The following PHKB variants were observed in gnomAD, a reference collection of about 807,000 sequenced individuals.
PHKB encodes phosphorylase b kinase regulatory subunit beta.
A neutral mutation model predicts 152.1 loss-of-function variants in PHKB; 122 were observed. The observed-to-expected ratio is 0.80, with a 90% confidence interval of 0.69 to 0.93. The LOEUF is 0.93. Among genes scored for constraint, PHKB ranks in the 40% least tolerant of loss-of-function variants. The pLI is 0.00. For missense variants in PHKB, 1,304 were observed against 1,328.4 expected, an observed-to-expected ratio of 0.98 and a Z score of 0.29; for synonymous variants, 436 against 464.9, an observed-to-expected ratio of 0.94 and a Z score of 0.80.
chr16:47,590,722 G>A (rs1972014532), intron 10 of PHKB: 1 of 150,396 alleles, frequency 6.6e-6, no homozygotes, highest in East Asian at 1.9e-4. Flanking sequence ...CTTCTGCTGA[G>A]CACCACTAAG....
intron 7 of PHKB, chr16:47,565,914 G>A (rs1481190199): frequency 1.8e-6 from 2 of 1,082,046 alleles, no homozygotes; most frequent in Non-Finnish European, 2.7e-6. Flanking sequence ...ATTCAGTTTG[G>A]GTCTTTGTGG....
At chr16:47,688,906 G>T in intron 26 of PHKB, 135 bp from the exon 27 acceptor site, 2 of 886,276 alleles carry the variant, frequency 2.3e-6, no homozygotes, top group East Asian at 2.4e-5. Flanking sequence ...TTGTATCAAC[G>T]GTTCAGGAAA....
At chr16:47,499,226 G>C (rs1970282870) in intron 2 of PHKB, among the ~76,000 whole-genome samples, 1 of 152,096 alleles carries the variant, frequency 6.6e-6, no homozygotes, top group South Asian at 2.1e-4. Flanking sequence ...CTGAAGACCA[G>C]GCACAATTTA....
In PHKB at chr16:47,492,613, C is replaced by T. The variant is rs888267205; in HGVS notation, c.77-4786C>T. ...CCTGCTGTTGGGCACCCTTGGTTCA[C>T]GCACCCCAGCCTTGGCAGGGAGGGG... is the stretch of plus-strand genomic sequence containing the variant. On this transcript the variant is annotated intron_variant, in intron 1 of 30. Transcript: ENST00000323584. Among the ~76,000 whole-genome samples the T allele has an allele frequency of 4.6e-5, 7 of 152,222 alleles. No individual in the cohort carries two copies. The East Asian group carries it at 5.8e-4, about 13-fold the overall frequency.
intron 26 of PHKB, among the ~76,000 whole-genome samples, chr16:47,678,023 C>G (rs111564861): frequency 0.12 from 17,671 of 149,324 alleles, 2,251 homozygotes; most frequent in African/African-American, 0.32. Flanking sequence ...TGCGGTGTTT[C>G]CTTTTTTGTC....
Position 47,698,709 on chromosome 16 carries a change from G to A in PHKB, c.3144+121G>A, listed in dbSNP as rs1015885012. The A allele has an allele frequency of 1.2e-5, 10 of 814,050 alleles. No individual in the cohort carries two copies. In the African/African-American group the frequency reaches 1.5e-4, roughly 12 times the overall value. 50.4% of individuals were successfully genotyped at this position (814,050 alleles called of 1,614,324 possible). Reference sequence around the variant, plus strand: ...AAAACAGATTCACAGGTGCAAAATAGGATACTTGAGGGGCAGTCTGCCTTT... The same window carrying A: ...AAAACAGATTCACAGGTGCAAAATAAGATACTTGAGGGGCAGTCTGCCTTT... On this transcript the variant is annotated intron_variant, in intron 30 of 30. Transcript: ENST00000323584.
chr16:47,488,151 A>T (rs1970081583), intron 1 of PHKB, among the ~76,000 whole-genome samples: 1 of 152,058 alleles, frequency 6.6e-6, no homozygotes, highest in African/African-American at 2.4e-5. Flanking sequence ...GTGAGATGGT[A>T]TCTCATTGTG....
rs1973429060 is a variant in PHKB at position 47,660,775 on chromosome 16, G to A, written c.2152G>A (p.Glu718Lys). 13 of 1,613,984 alleles carry A rather than the reference G, an allele frequency of 8.1e-6. No homozygotes were observed. Among genetic ancestry groups the A allele is most frequent in the South Asian group, 1.1e-5 (1 of 91,084 alleles). ...LGQQPDVNIS[E>K]WKDKPTHEIL... is the part of the protein sequence containing the mutation. The stretch of plus-strand genomic sequence containing the variant: ...ACAGCAGCCGGATGTCAACATTAGT[G>A]AATGGAAGGACAAACCCACCCACGA... Residue 718 changes from glutamate (E) to lysine (K), a missense_variant, in exon 22 of 31, where the codon GAA becomes AAA. Glu to Lys is a moderately conservative substitution (Grantham distance 56). Coordinates refer to ENST00000323584, the MANE Select transcript of PHKB (RefSeq NM_000293.3).
chr16:47,566,668 G>A (rs1971572628), intron 7 of PHKB: 11 of 874,100 alleles, frequency 1.3e-5, no homozygotes, highest in South Asian at 6.5e-5. Flanking sequence ...GCAGCCCCTG[G>A]AGCAGTGGGA....
intron 25 of PHKB, among the ~76,000 whole-genome samples, chr16:47,668,496 C>T (rs1343264374): frequency 1.3e-5 from 2 of 152,122 alleles, no homozygotes; most frequent in South Asian, 4.2e-4. Flanking sequence ...CCTGCAGAGT[C>T]CCCTGGGAGA....
Position 47,698,597 on chromosome 16 carries a change from A to G in PHKB, c.3144+9A>G, listed in dbSNP as rs200504388. The G allele has an allele frequency of 2.3e-6, 3 of 1,311,932 alleles. No individual in the cohort carries two copies. Among genetic ancestry groups the G allele is most frequent in the African/African-American group, 3.6e-5 (2 of 55,862 alleles). The allele number at this position is 1,311,932 out of a possible 1,614,324, so 81.3% of individuals were successfully genotyped here. On this transcript the variant is annotated intron_variant, in intron 30 of 30. Coordinates refer to ENST00000323584, the MANE Select transcript of PHKB (RefSeq NM_000293.3). ...AGGAAATTGAAAAACAAGTAAGTACACAGCTTTTTTTTTTTTTTTTTTTTT... is the reference window on the plus strand; with the variant it reads ...AGGAAATTGAAAAACAAGTAAGTACGCAGCTTTTTTTTTTTTTTTTTTTTT...
chr16:47,536,156 A>T (rs534276253), intron 6 of PHKB, among the ~76,000 whole-genome samples: 27 of 152,232 alleles, frequency 1.8e-4, no homozygotes, highest in African/African-American at 6.0e-4. Context: ...TGTTCAAGCG[A>T]TTCTCCTGTC....
intron 6 of PHKB, among the ~76,000 whole-genome samples, chr16:47,544,545 T>C (rs575113296): frequency 6.6e-6 from 1 of 152,350 alleles, no homozygotes; most frequent in East Asian, 1.9e-4. Flanking sequence ...GATGTGTTGC[T>C]GAGAAGAATA....
intron 6 of PHKB, among the ~76,000 whole-genome samples, chr16:47,520,503 C>T (rs1393018870): frequency 1.3e-5 from 2 of 152,172 alleles, no homozygotes; most frequent in Non-Finnish European, 2.9e-5. Flanking sequence ...CTCAAGAGTT[C>T]ATTTTCTATG....
At chr16:47,469,940 A>G (rs1377996438) in intron 1 of PHKB, among the ~76,000 whole-genome samples, 1 of 152,184 alleles carries the variant, frequency 6.6e-6, no homozygotes, top group African/African-American at 2.4e-5. Context: ...TAGTAGTAGT[A>G]CTAATGATAA....
chr16:47,524,684 A>G (rs893493024), intron 6 of PHKB, among the ~76,000 whole-genome samples: 1 of 152,188 alleles, frequency 6.6e-6, no homozygotes, highest in Non-Finnish European at 1.5e-5. Flanking sequence ...ATCAGTTACT[A>G]TTGACCACAT....
chr16:47,699,070 T>A (rs1173355055), intron 30 of PHKB, 159 bp from the exon 31 acceptor site: 15 of 699,532 alleles, frequency 2.1e-5, no homozygotes, highest in Non-Finnish European at 3.5e-5. Flanking sequence ...TTGTTTTATA[T>A]ACACCTCAGG....
chr16:47,489,265 A>G (rs1273141740), intron 1 of PHKB, among the ~76,000 whole-genome samples: 2 of 152,070 alleles, frequency 1.3e-5, no homozygotes, highest in African/African-American at 2.4e-5. Context: ...GTTAGCCAGG[A>G]TGGTCTCGAT....
chr16:47,575,256 T>A (rs1462080482), intron 7 of PHKB, among the ~76,000 whole-genome samples: 1 of 152,224 alleles, frequency 6.6e-6, no homozygotes, highest in Non-Finnish European at 1.5e-5. Flanking sequence ...TTGGTGGGAA[T>A]GTAAATTAAC....
Sources: allele counts gnomAD v4.1 joint callset (sites outside exome capture counted in the v4.1 genomes callset), GRCh38; gene constraint gnomAD v4.1.1; transcripts MANE v1.5; gene names NCBI Gene and HGNC (gene_info 2026-07-23, HGNC 2026-07-21).